Variants in WDR25 observed in about 807,000 individuals in gnomAD.
WDR25 encodes the protein WD repeat-containing protein 25.
A neutral mutation model predicts 47.7 loss-of-function variants in WDR25; 35 were observed. The observed-to-expected ratio is 0.73, with a 90% CI of 0.56 to 0.97. The LOEUF (loss-of-function observed/expected upper bound fraction) is 0.97, where lower values mean the gene tolerates loss of function less well. Among genes scored for constraint, WDR25 ranks in the 50% least tolerant of loss-of-function variants. WDR25 has a pLI of 0.00. For synonymous variants in WDR25, 248 were observed against 278.9 expected (o/e 0.89, Z 1.10); for missense variants, 634 against 704.7 (o/e 0.90, Z 1.14).
intron 4 of WDR25, among the ~76,000 whole-genome samples, chr14:100,518,055 T>C (rs1008101065): frequency 6.6e-6 from 1 of 152,168 alleles, no homozygotes; most frequent in South Asian, 2.1e-4. Context: ...TACCTAATCA[T>C]TTACCGTTTT....
chr14:100,383,926 G>GT (rs1387190010), intron 2 of WDR25, among the ~76,000 whole-genome samples: 1 of 152,238 alleles, frequency 6.6e-6, no homozygotes, highest in African/African-American at 2.4e-5. Flanking sequence ...AGGGACTGTG[G>GT]TAGGAATGCC....
chr14:100,434,062 CA>C (rs140976497), intron 2 of WDR25, among the ~76,000 whole-genome samples: 6 of 132,718 alleles, frequency 4.5e-5, no homozygotes, highest in Non-Finnish European at 1.7e-5. Flanking sequence ...GCCGTTTCTA[CA>C]AAAAAAAAAG....
chr14:100,466,899 T>C (rs1899648599), intron 2 of WDR25, among the ~76,000 whole-genome samples: 1 of 152,180 alleles, frequency 6.6e-6, no homozygotes, highest in African/African-American at 2.4e-5. Context: ...TCTCCGGCAG[T>C]TCCCCTGGGC....
intron 2 of WDR25, among the ~76,000 whole-genome samples, chr14:100,466,486 C>T (rs1051276642): frequency 6.6e-6 from 1 of 152,156 alleles, no homozygotes. Flanking sequence ...GAAAATGAAG[C>T]TTGGTTTTCC....
intron 3 of WDR25, among the ~76,000 whole-genome samples, chr14:100,474,979 G>T (rs774391334): frequency 5.9e-5 from 9 of 152,278 alleles, no homozygotes; most frequent in Non-Finnish European, 1.2e-4. Flanking sequence ...AATGAGCAAA[G>T]GATCTGAACA....
Position 100,529,758 on chromosome 14 carries a change from T to C in WDR25, c.1414-62T>C, listed in dbSNP as rs748859073. ...GGCTTCAGCCTGCTCCTCTGTAGAATGGGCATACTCACCCCGGCTTGACAG... is the reference window on the plus strand; with the variant it reads ...GGCTTCAGCCTGCTCCTCTGTAGAACGGGCATACTCACCCCGGCTTGACAG... On this transcript the variant is annotated intron_variant, in intron 6 of 6. Transcript: ENST00000402312. This position sits in a 1 kb window ranked among gnomAD's most constrained non-coding sequence, Gnocchi z 5.1. 2.5e-4 allele frequency: 383 copies of C among 1,543,238 alleles called. No individual in the cohort carries two copies. Among genetic ancestry groups the C allele is most frequent in the Non-Finnish European group, 3.1e-4 (356 of 1,136,538 alleles).
rs1897157169 is a variant in WDR25, at chr14:100,392,016, C to T, written c.822+10270C>T. On this transcript the variant is annotated intron_variant, in intron 2 of 6. Transcript: ENST00000402312. This position sits in a 1 kb window ranked among gnomAD's most constrained non-coding sequence, Gnocchi z 4.2. ...AGATCTGCAAAAATGTAAACAATGC[C>T]TTCTTACTAATTTTTCTTGGTCTTG... Among the ~76,000 whole-genome samples the T allele has an allele frequency of 6.6e-6, 1 of 152,134 alleles. No homozygotes were observed. The highest frequency in any genetic ancestry group is 2.4e-5 in the African/African-American group (1 of 41,430).
chr14:100,381,956 C>A, intron 2 of WDR25: 1 of 646,220 alleles, frequency 1.5e-6, no homozygotes. Flanking sequence ...CTGCCTTGCT[C>A]AGGTTACCAG....
At chr14:100,483,354 A>G (rs994042394) in intron 3 of WDR25, among the ~76,000 whole-genome samples, 2 of 152,232 alleles carry the variant, frequency 1.3e-5, no homozygotes, top group Non-Finnish European at 2.9e-5. Flanking sequence ...TTTATAAAGG[A>G]CAAGGACTGC....
In WDR25 at chr14:100,392,289, T is replaced by C. The variant is rs1489022189; in HGVS notation, c.822+10543T>C. 6.6e-6 allele frequency among the ~76,000 whole-genome samples: 1 copy of C among 151,988 alleles called. No individual in the cohort carries two copies. Among genetic ancestry groups the C allele is most frequent in the Non-Finnish European group, 1.5e-5 (1 of 68,022 alleles). ...AATTACATTTTGGGGAATCTCACTA[T>C]TGTGTTGGTAAAAACGTCAGCACAT... On this transcript the variant is annotated intron_variant, in intron 2 of 6. Coordinates refer to ENST00000402312, the MANE Select transcript of WDR25 (RefSeq NM_001161476.3). The surrounding 1 kb of genome is among the most constrained non-coding windows in gnomAD (Gnocchi z 4.2).
chr14:100,437,800 G>T (rs1566909809), intron 2 of WDR25, among the ~76,000 whole-genome samples: 1 of 152,152 alleles, frequency 6.6e-6, no homozygotes, highest in Non-Finnish European at 1.5e-5. Flanking sequence ...TAGTGAAGAA[G>T]AGAAGACAGG....
In WDR25 at chr14:100,402,565, G is replaced by A. The variant is rs184321283; in HGVS notation, c.822+20819G>A. On this transcript the variant is annotated intron_variant, in intron 2 of 6. Transcript: ENST00000402312. The stretch of plus-strand genomic sequence containing the variant: ...TGGGGTTCTGTCATTTTCCAGCTGA[G>A]CCCTCGGCAGGCCAGGCAATTTCTG... Among the ~76,000 whole-genome samples, 4 of 152,258 alleles carry A rather than the reference G, an allele frequency of 2.6e-5. No homozygotes were observed. The East Asian group carries it at 7.7e-4, about 29-fold the overall frequency.
intron 2 of WDR25, among the ~76,000 whole-genome samples, chr14:100,394,966 CA>C (rs560276394): frequency 6.7e-6 from 1 of 150,096 alleles, no homozygotes; most frequent in Admixed American, 6.6e-5. Context: ...GCCTGTATCT[CA>C]AAAAAAAACA....
intron 3 of WDR25, among the ~76,000 whole-genome samples, chr14:100,473,664 G>A (rs1899920455): frequency 6.6e-6 from 1 of 152,212 alleles, no homozygotes; most frequent in Non-Finnish European, 1.5e-5. Context: ...GGCATGGGAA[G>A]GGTGAGAAGT....
intron 2 of WDR25, among the ~76,000 whole-genome samples, chr14:100,445,055 TG>T (rs1898789482): frequency 6.6e-6 from 1 of 152,168 alleles, no homozygotes; most frequent in African/African-American, 2.4e-5. Flanking sequence ...AAGTCCCCCA[TG>T]GAACTGGGCC....
At chr14:100,385,681 C>G (rs559130390) in intron 2 of WDR25, among the ~76,000 whole-genome samples, 5 of 152,182 alleles carry the variant, frequency 3.3e-5, no homozygotes, top group Non-Finnish European at 7.3e-5. Flanking sequence ...GCTGCTCTTT[C>G]CTGACGATCC....
At chr14:100,517,482 A>G (rs771653536) in intron 4 of WDR25, among the ~76,000 whole-genome samples, 5 of 152,122 alleles carry the variant, frequency 3.3e-5, no homozygotes, top group African/African-American at 4.8e-5. Flanking sequence ...TGTAAGGACT[A>G]CAATATACAT....
intron 2 of WDR25, among the ~76,000 whole-genome samples, chr14:100,417,085 C>A (rs987482420): frequency 1.3e-5 from 2 of 152,210 alleles, no homozygotes; most frequent in African/African-American, 2.4e-5. Context: ...CAGGGGCAAT[C>A]CAACTACCAC....
At chr14:100,419,298 C>G (rs574511799) in intron 2 of WDR25, among the ~76,000 whole-genome samples, 11 of 151,986 alleles carry the variant, frequency 7.2e-5, no homozygotes, top group Non-Finnish European at 1.5e-4. Flanking sequence ...TCGCTCCTTC[C>G]GCCTACCTCT....
Sources: gnomAD v4.1 joint callset for allele counts (sites outside exome capture counted in the v4.1 genomes callset) on GRCh38, gnomAD v4.1.1 for gene constraint, Gnocchi (gnomAD v3.1) non-coding constraint, MANE v1.5 for transcripts, NCBI Gene and HGNC (gene_info 2026-07-23, HGNC 2026-07-21) for gene names.